The following SNTB1 variants were observed in gnomAD, a reference collection of about 807,000 sequenced individuals.
SNTB1 encodes beta-1-syntrophin.
Under a neutral mutation model 48.9 loss-of-function variants are expected in SNTB1, and 36 were observed. The observed-to-expected ratio is 0.74, with a 90% CI of 0.56 to 0.97. SNTB1 has a LOEUF of 0.97. SNTB1 is among the 50% of genes least tolerant of loss of function. The pLI, the probability that SNTB1 is intolerant of heterozygous loss-of-function variation, is 0.00. For missense variants in SNTB1, 786 were observed against 703.4 expected (o/e 1.12, Z -1.33); for synonymous variants, 299 against 294.6 (o/e 1.01, Z -0.15).
chr8:120,802,251 T>C (rs1422763901), intron 1 of SNTB1, among the ~76,000 whole-genome samples: 1 of 152,176 alleles, frequency 6.6e-6, no homozygotes, highest in Non-Finnish European at 1.5e-5. Flanking sequence ...TTTGACTTTT[T>C]TCGGTTAATA....
At chr8:120,646,773 C>A (rs1450909217) in intron 2 of SNTB1, among the ~76,000 whole-genome samples, 2 of 152,202 alleles carry the variant, frequency 1.3e-5, no homozygotes, top group South Asian at 4.2e-4. Context: ...TGGGAGAATT[C>A]GGCTGTGAAT....
At chr8:120,729,619 T>C (rs1372342021) in intron 1 of SNTB1, among the ~76,000 whole-genome samples, 4 of 152,234 alleles carry the variant, frequency 2.6e-5, no homozygotes, top group Non-Finnish European at 5.9e-5. Flanking sequence ...ACTTTAAAAA[T>C]AATATTTCCC....
intron 4 of SNTB1, among the ~76,000 whole-genome samples, chr8:120,566,010 A>T (rs770294181): frequency 6.6e-6 from 1 of 152,154 alleles, no homozygotes; most frequent in African/African-American, 2.4e-5. Context: ...GGAGTTCGAG[A>T]CCAGCCTGGC....
chr8:120,657,993 A>C (rs997200840), intron 2 of SNTB1, among the ~76,000 whole-genome samples: 1 of 152,264 alleles, frequency 6.6e-6, no homozygotes, highest in Non-Finnish European at 1.5e-5. Context: ...TTATTAAAGC[A>C]GTTATTTAGT....
chr8:120,552,309 C>T (rs1815494005), intron 4 of SNTB1, among the ~76,000 whole-genome samples: 1 of 152,132 alleles, frequency 6.6e-6, no homozygotes, highest in Non-Finnish European at 1.5e-5. Context: ...CTGACCAATA[C>T]CCTGAACAGG....
chr8:120,539,025 TG>T (rs1815243973), intron 6 of SNTB1, 56 bp from the exon 7 acceptor site: 1 of 1,362,064 alleles, frequency 7.3e-7, no homozygotes, highest in Non-Finnish European at 1.0e-6. Context: ...TTGATGTAGA[TG>T]GGTGATTTGC....
chr8:120,749,819 T>G (rs1016632686), intron 1 of SNTB1, among the ~76,000 whole-genome samples: 1 of 152,158 alleles, frequency 6.6e-6, no homozygotes, highest in Non-Finnish European at 1.5e-5. Context: ...AATTCCTGTC[T>G]GCTAATTCCT....
At chr8:120,565,710 G>A (rs530757435) in intron 4 of SNTB1, among the ~76,000 whole-genome samples, 1 of 152,196 alleles carries the variant, frequency 6.6e-6, no homozygotes, top group Non-Finnish European at 1.5e-5. Context: ...GCCAAACAGC[G>A]CTTCTGAAGA....
chr8:120,646,122 T>C (rs1817293209), intron 2 of SNTB1, among the ~76,000 whole-genome samples: 1 of 143,862 alleles, frequency 7.0e-6, no homozygotes, highest in African/African-American at 2.6e-5. Flanking sequence ...AGGGACAATT[T>C]GACTTCCTCT....
intron 1 of SNTB1, among the ~76,000 whole-genome samples, chr8:120,783,859 GT>G (rs1819871837): frequency 6.6e-6 from 1 of 152,122 alleles, no homozygotes. Flanking sequence ...AATAACGCAA[GT>G]AAATAATAAT....
chr8:120,618,354 C>G (rs1816747176), intron 3 of SNTB1, among the ~76,000 whole-genome samples: 1 of 152,186 alleles, frequency 6.6e-6, no homozygotes, highest in Non-Finnish European at 1.5e-5. Context: ...ATTTCCTTGT[C>G]CCTTACATTC....
Position 120,547,447 on chromosome 8 carries a change from A to C in SNTB1, c.1333+1315T>G, listed in dbSNP as rs182281588. Among the ~76,000 whole-genome samples, 409 of 152,196 alleles carry C rather than the reference A, an allele frequency of 2.7e-3. 2 individuals are homozygous for C. Among genetic ancestry groups the C allele is most frequent in the African/African-American group, 9.6e-3 (400 of 41,510 alleles). On this transcript the variant is annotated intron_variant, in intron 5 of 6. Transcript: ENST00000517992. ...CCCATCTCTACTAAAAAATACAAAAATTAGCTGGGCATGGTGGCATGTGCC... is the reference window on the plus strand; with the variant it reads ...CCCATCTCTACTAAAAAATACAAAACTTAGCTGGGCATGGTGGCATGTGCC...
chr8:120,620,420 TG>T (rs1406299167), intron 3 of SNTB1, among the ~76,000 whole-genome samples: 3 of 152,200 alleles, frequency 2.0e-5, no homozygotes, highest in African/African-American at 7.2e-5. Flanking sequence ...AGTAGCAAAC[TG>T]GGGATTAAAA....
intron 3 of SNTB1, among the ~76,000 whole-genome samples, chr8:120,584,028 A>G (rs1173901022): frequency 6.6e-6 from 1 of 152,240 alleles, no homozygotes; most frequent in African/African-American, 2.4e-5. Flanking sequence ...AAAAACACTC[A>G]GCAGGTCTGG....
chr8:120,673,163 C>T (rs1252442641), intron 2 of SNTB1, among the ~76,000 whole-genome samples: 2 of 152,164 alleles, frequency 1.3e-5, no homozygotes, highest in African/African-American at 4.8e-5. Flanking sequence ...CTCATCATTT[C>T]CTGCTGGATT....
At chr8:120,571,160 T>G (rs938550731) in intron 4 of SNTB1, 2 of 1,201,878 alleles carry the variant, frequency 1.7e-6, no homozygotes, top group Admixed American at 3.0e-5. Context: ...AACAAGGCTA[T>G]GTACGAGGGT....
intron 1 of SNTB1, among the ~76,000 whole-genome samples, chr8:120,702,281 G>C (rs1250985462): frequency 6.6e-6 from 1 of 152,164 alleles, no homozygotes. Context: ...ACATGCACTA[G>C]AGGACAGGAG....
At chr8:120,699,049 T>C (rs1818260229) in intron 1 of SNTB1, among the ~76,000 whole-genome samples, 1 of 152,228 alleles carries the variant, frequency 6.6e-6, no homozygotes, top group Admixed American at 6.5e-5. Flanking sequence ...CTAGGGCAGC[T>C]CTGCTCCCTG....
intron 1 of SNTB1, among the ~76,000 whole-genome samples, chr8:120,777,971 G>A (rs1049872457): frequency 6.6e-6 from 1 of 152,198 alleles, no homozygotes; most frequent in South Asian, 2.1e-4. Context: ...ATGTTTCTCT[G>A]AACTCACTCC....
Sources: allele counts gnomAD v4.1 joint callset (sites outside exome capture counted in the v4.1 genomes callset), GRCh38; gene constraint gnomAD v4.1.1; transcripts MANE v1.5; gene names NCBI Gene and HGNC (gene_info 2026-07-23, HGNC 2026-07-21).